Variants in GARNL3 observed in about 807,000 individuals in gnomAD.
GARNL3 encodes the protein GTPase-activating Rap/Ran-GAP domain-like protein 3.
GARNL3 carries 63 observed loss-of-function variants against 125.0 expected under a neutral mutation model. The ratio of observed to expected loss-of-function variants is 0.50; its 90% CI spans 0.41 to 0.62. The LOEUF (loss-of-function observed/expected upper bound fraction) is 0.62. GARNL3 is among the 20% of genes least tolerant of loss of function. The probability of loss-of-function intolerance (pLI) is 0.00; values close to 1 mark genes in which losing one functional copy is unlikely to be tolerated. For missense variants in GARNL3, 994 were observed against 1,244.0 expected (o/e 0.80, Z 3.02); for synonymous variants, 439 against 457.5 (o/e 0.96, Z 0.52).
Position 127,240,915 on chromosome 9 carries a change from T to A in GARNL3, c.-28-2164T>A, listed in dbSNP as rs1018226373. On this transcript the variant is annotated intron_variant, in intron 1 of 10. Coordinates refer to the GARNL3 transcript ENST00000439286. The stretch of plus-strand genomic sequence containing the variant: ...AGAGTGAGACCCTGTCTCAAAAAAA[T>A]TTTTTTTAATTAAAATCATTCTAAC... Among the ~76,000 whole-genome samples the A allele has an allele frequency of 4.6e-5, 7 of 152,130 alleles. No individual in the cohort carries two copies. The East Asian group carries it at 5.8e-4, about 13-fold the overall frequency.
chr9:127,292,624 A>G (rs1290544551), intron 2 of GARNL3, among the ~76,000 whole-genome samples: 1 of 152,254 alleles, frequency 6.6e-6, no homozygotes, highest in African/African-American at 2.4e-5. Context: ...CTACGTAAGC[A>G]CAACTCTGGC....
chr9:127,258,941 G>C (rs945433591), upstream of GARNL3, among the ~76,000 whole-genome samples: 1 of 152,172 alleles, frequency 6.6e-6, no homozygotes, highest in African/African-American at 2.4e-5. Flanking sequence ...ACAACTGCCT[G>C]TTACTTCTCA....
intron 2 of GARNL3, among the ~76,000 whole-genome samples, chr9:127,302,124 A>G (rs985526727): frequency 1.3e-5 from 2 of 151,190 alleles, no homozygotes; most frequent in African/African-American, 4.9e-5. Context: ...TTCTATTTTT[A>G]GTAGAGACAG....
At chr9:127,233,973 A>G (rs748928812) in intron 1 of GARNL3, among the ~76,000 whole-genome samples, 14 of 152,130 alleles carry the variant, frequency 9.2e-5, no homozygotes, top group Non-Finnish European at 1.9e-4. Context: ...CTTTTTTCAC[A>G]GTCTTCATTC....
chr9:127,384,689 C>T lies in GARNL3; in HGVS notation c.2270-338C>T, dbSNP rs1023845720. ...GCCTGCAGACAGAATGTCAGGCTGG[C>T]GTCTGAACAACAGAAGGGACTCCCC... On this transcript the variant is annotated intron_variant, in intron 23 of 27. Transcript: ENST00000373387. The surrounding 1 kb of genome is among the most constrained non-coding windows in gnomAD (Gnocchi z 4.0). Among the ~76,000 whole-genome samples, 8 of 152,150 alleles carry T rather than the reference C, an allele frequency of 5.3e-5. No homozygotes were observed. The highest frequency in any genetic ancestry group is 1.0e-4 in the Non-Finnish European group (7 of 68,028).
At chr9:127,241,913 G>T (rs557631329) in intron 1 of GARNL3, among the ~76,000 whole-genome samples, 1 of 152,164 alleles carries the variant, frequency 6.6e-6, no homozygotes, top group East Asian at 1.9e-4. Context: ...GATTACAGGC[G>T]TGAGCCACTA....
At chr9:127,351,024 A>T (rs148600402) in intron 17 of GARNL3, among the ~76,000 whole-genome samples, 1 of 152,334 alleles carries the variant, frequency 6.6e-6, no homozygotes, top group African/African-American at 2.4e-5. Context: ...ACTACATTAT[A>T]TTAAACTCTA....
chr9:127,285,266 T>C (rs2064216142), intron 1 of GARNL3, among the ~76,000 whole-genome samples: 1 of 152,178 alleles, frequency 6.6e-6, no homozygotes, highest in South Asian at 2.1e-4. Flanking sequence ...ACCCCGTCTC[T>C]ACTAAAAATA....
intron 2 of GARNL3, among the ~76,000 whole-genome samples, chr9:127,305,200 T>C (rs1415002095): frequency 2.0e-5 from 3 of 151,758 alleles, no homozygotes; most frequent in African/African-American, 4.8e-5. Flanking sequence ...ATCTAGGTAA[T>C]GGTTATGAGG....
Position 127,257,024 on chromosome 9 carries a change from A to G in GARNL3, c.144-7928A>G, listed in dbSNP as rs1407211201. 3.3e-5 allele frequency among the ~76,000 whole-genome samples: 5 copies of G among 152,316 alleles called. No individual in the cohort carries two copies. The East Asian group carries it at 9.6e-4, about 29-fold the overall frequency. Reference sequence around the variant, plus strand: ...GGTCATTTCAAGAATGAATCATACAATTTGTAACCTTTTGGGATGGACATT... The same window carrying G: ...GGTCATTTCAAGAATGAATCATACAGTTTGTAACCTTTTGGGATGGACATT... On this transcript the variant is annotated intron_variant, in intron 2 of 10. Transcript: ENST00000439286.
At chr9:127,259,013 C>T (rs2063540004), upstream of GARNL3, among the ~76,000 whole-genome samples, 1 of 152,198 alleles carries the variant, frequency 6.6e-6, no homozygotes, top group South Asian at 2.1e-4. Context: ...AACTCTTCTA[C>T]CAGGCCTAGC....
rs888542318 is a variant in GARNL3, at chr9:127,385,344, T to G, written c.2388+199T>G. 6.6e-6 allele frequency among the ~76,000 whole-genome samples: 1 copy of G among 152,184 alleles called. No individual in the cohort carries two copies. ...TGATTTCTGTGGGCTTTCAGAACAC[T>G]CCTCAGCTTTGTTAATAGTCATTAA... is the stretch of plus-strand genomic sequence containing the variant. On this transcript the variant is annotated intron_variant, in intron 24 of 27. Coordinates refer to ENST00000373387, the MANE Select transcript of GARNL3 (RefSeq NM_032293.5). This position sits in a 1 kb window ranked among gnomAD's most constrained non-coding sequence, Gnocchi z 4.1.
intron 21 of GARNL3, chr9:127,363,336 C>T (rs1388310364): frequency 3.3e-5 from 5 of 152,270 alleles, no homozygotes; most frequent in African/African-American, 4.8e-5. Flanking sequence ...CCCATTATAC[C>T]TTGTTTTATG....
intron 1 of GARNL3, chr9:127,225,492 G>T: frequency 3.9e-6 from 2 of 517,284 alleles, no homozygotes; most frequent in East Asian, 1.5e-4. Flanking sequence ...CGAGGCCGTG[G>T]CGTGGGAAGG....
chr9:127,366,582 G>T (rs1831299210), intron 22 of GARNL3, among the ~76,000 whole-genome samples: 1 of 152,218 alleles, frequency 6.6e-6, no homozygotes, highest in Non-Finnish European at 1.5e-5. Flanking sequence ...ATAACTTGTG[G>T]CAGAGTGTTT....
At chr9:127,291,933 A>G (rs904916427) in intron 2 of GARNL3, among the ~76,000 whole-genome samples, 4 of 151,936 alleles carry the variant, frequency 2.6e-5, no homozygotes, top group Admixed American at 2.0e-4. Context: ...TCATCTGTAA[A>G]TTAGAAACTG....
At chr9:127,235,838 G>A (rs1344440847) in intron 1 of GARNL3, among the ~76,000 whole-genome samples, 1 of 152,166 alleles carries the variant, frequency 6.6e-6, no homozygotes, top group Non-Finnish European at 1.5e-5. Context: ...GATAATGAGA[G>A]GAGATGATTG....
intron 7 of GARNL3, 41 bp from the exon 8 acceptor site, chr9:127,332,233 A>G (rs377434490): frequency 1.7e-4 from 250 of 1,447,122 alleles, no homozygotes; most frequent in Admixed American, 1.0e-3. Flanking sequence ...ATACGCTGTG[A>G]TGATAAAATT....
chr9:127,252,868 C>A (rs1413333062), intron 2 of GARNL3, among the ~76,000 whole-genome samples: 1 of 152,130 alleles, frequency 6.6e-6, no homozygotes, highest in Non-Finnish European at 1.5e-5. Context: ...ATTGCATTAT[C>A]TATGTATTGA....
Sources: allele counts gnomAD v4.1 joint callset (sites outside exome capture counted in the v4.1 genomes callset), GRCh38; gene constraint gnomAD v4.1.1; non-coding constraint Gnocchi (gnomAD v3.1); transcripts MANE v1.5; gene names NCBI Gene and HGNC (gene_info 2026-07-23, HGNC 2026-07-21).